ETV6: variants seen among roughly 807,000 people sequenced by gnomAD.
The protein encoded by ETV6 is transcription factor ETV6.
Under a neutral mutation model 51.1 loss-of-function variants are expected in ETV6, and 16 were observed. The observed-to-expected ratio is 0.31, with a 90% CI of 0.21 to 0.48. ETV6 has a LOEUF of 0.48. ETV6 is among the 20% of genes least tolerant of loss of function. The probability of loss-of-function intolerance (pLI) is 0.99; values close to 1 mark genes in which losing one functional copy is unlikely to be tolerated. For synonymous variants in ETV6, 240 were observed against 224.1 expected (o/e 1.07, Z -0.64); for missense variants, 458 against 594.8 (o/e 0.77, Z 2.39).
chr12:11,767,479 A>G (rs1945179970), intron 2 of ETV6, among the ~76,000 whole-genome samples: 1 of 152,242 alleles, frequency 6.6e-6, no homozygotes, highest in African/African-American at 2.4e-5. Flanking sequence ...TGTGGGGGAA[A>G]ATAAACAAGT....
chr12:11,703,932 A>G (rs1221346248), intron 1 of ETV6, among the ~76,000 whole-genome samples: 1 of 152,238 alleles, frequency 6.6e-6, no homozygotes, highest in African/African-American at 2.4e-5. Flanking sequence ...CCTAAAATAA[A>G]TGTATATTTC....
In ETV6 at chr12:11,853,499, T is replaced by G; in HGVS notation, c.401T>G (p.Phe134Cys). The stretch of plus-strand genomic sequence containing the variant: ...CCTCGGATTCTTTTTTCACCATTCT[T>G]CCACCCTGGAAACTCTATACACACA... ...RKPRILFSPF[F>C]HPGNSIHTQP... The change falls in exon 4 of 8, where the codon TTC (phenylalanine) becomes TGC (cysteine). Residue 134 changes from phenylalanine to cysteine, a missense_variant. Around this residue, in one of 4 missense-constraint regions of ETV6, gnomAD observed 293 missense variants for 315.7 expected, o/e 0.93. Coordinates refer to ENST00000396373, the MANE Select transcript of ETV6 (RefSeq NM_001987.5). 6.2e-7 allele frequency: 1 copy of G among 1,614,236 alleles called. No homozygotes were observed. The highest frequency in any genetic ancestry group is 8.5e-7 in the Non-Finnish European group (1 of 1,180,040).
At chr12:11,712,911 G>C (rs1463614895) in intron 1 of ETV6, among the ~76,000 whole-genome samples, 1 of 152,198 alleles carries the variant, frequency 6.6e-6, no homozygotes, top group African/African-American at 2.4e-5. Context: ...GGAGGCCACT[G>C]TTCTTCATGC....
chr12:11,789,341 T>C (rs902994986), intron 2 of ETV6, among the ~76,000 whole-genome samples: 3 of 152,188 alleles, frequency 2.0e-5, no homozygotes, highest in African/African-American at 7.2e-5. Flanking sequence ...CTTGTTTTAA[T>C]GTCCTTCTTA....
chr12:11,856,791 G>A (rs1281370655), intron 4 of ETV6, among the ~76,000 whole-genome samples: 2 of 152,064 alleles, frequency 1.3e-5, no homozygotes, highest in East Asian at 1.9e-4. Context: ...GTGGGCATAT[G>A]TTAACATACA....
intron 2 of ETV6, among the ~76,000 whole-genome samples, chr12:11,783,249 T>C (rs1488755410): frequency 1.3e-5 from 2 of 151,346 alleles, no homozygotes; most frequent in Non-Finnish European, 2.9e-5. Context: ...AGGAGGGAAA[T>C]CACAGAGATC....
intron 2 of ETV6, among the ~76,000 whole-genome samples, chr12:11,818,293 A>C (rs1159593673): frequency 6.6e-6 from 1 of 152,194 alleles, no homozygotes; most frequent in Non-Finnish European, 1.5e-5. Context: ...CAAGGTGAGC[A>C]GATCACGTGA....
chr12:11,762,365 C>T (rs1376666983), intron 2 of ETV6, among the ~76,000 whole-genome samples: 1 of 152,202 alleles, frequency 6.6e-6, no homozygotes, highest in African/African-American at 2.4e-5. Context: ...CGGCAATCCC[C>T]TCTGCAACTC....
In ETV6 at chr12:11,885,926, AACAGAACAAACATG is replaced by A; in HGVS notation, c.1156_1169del (p.Arg386LeufsTer2). 6.2e-7 allele frequency: 1 copy of A among 1,611,466 alleles called. No individual in the cohort carries two copies. The highest frequency in any genetic ancestry group is 8.5e-7 in the Non-Finnish European group (1 of 1,177,814). ...CTCCCTTCCTCCTTTGAACAAACAG[AACAGAACAAACATG>A]ACCTATGAGAAAATGTCCAGAGCCC... On this transcript the variant is annotated frameshift_variant and splice_region_variant, in exon 7 of 8. Coordinates refer to ENST00000396373, the MANE Select transcript of ETV6 (RefSeq NM_001987.5). LOFTEE classifies it high-confidence loss of function.
chr12:11,751,077 TG>T (rs1866017202), intron 1 of ETV6, among the ~76,000 whole-genome samples: 1 of 152,140 alleles, frequency 6.6e-6, no homozygotes, highest in African/African-American at 2.4e-5. Flanking sequence ...TACTTGCTTC[TG>T]GTGGGTGCCT....
At chr12:11,699,970 G>A (rs942067651) in intron 1 of ETV6, among the ~76,000 whole-genome samples, 1 of 152,150 alleles carries the variant, frequency 6.6e-6, no homozygotes, top group African/African-American at 2.4e-5. Context: ...TACTGCGTTT[G>A]TATTTCTTTT....
intron 6 of ETV6, among the ~76,000 whole-genome samples, chr12:11,885,677 G>T (rs1159695057): frequency 6.6e-6 from 1 of 152,188 alleles, no homozygotes; most frequent in South Asian, 2.1e-4. Flanking sequence ...ATTAGCTAGG[G>T]CTCCAGGACT....
chr12:11,762,588 A>G (rs1945103831), intron 2 of ETV6, among the ~76,000 whole-genome samples: 1 of 152,234 alleles, frequency 6.6e-6, no homozygotes. Context: ...TGGCAAGGGA[A>G]TGAAGGCTTT....
chr12:11,837,723 G>A (rs1262235394), intron 2 of ETV6, among the ~76,000 whole-genome samples: 6 of 152,210 alleles, frequency 3.9e-5, no homozygotes, highest in African/African-American at 1.4e-4. Flanking sequence ...GCTCCTCTTA[G>A]CAACACTGAT....
At chr12:11,764,873 T>A (rs1206145864) in intron 2 of ETV6, among the ~76,000 whole-genome samples, 1 of 152,196 alleles carries the variant, frequency 6.6e-6, no homozygotes, top group Non-Finnish European at 1.5e-5. Flanking sequence ...CTGGGTTTTA[T>A]TATCCTCATC....
intron 1 of ETV6, among the ~76,000 whole-genome samples, chr12:11,708,619 G>T (rs540372206): frequency 3.9e-5 from 6 of 152,200 alleles, no homozygotes; most frequent in African/African-American, 1.4e-4. Context: ...CATGGGGGAT[G>T]GACATTGTTT....
chr12:11,720,968 T>C (rs1056638268), intron 1 of ETV6, among the ~76,000 whole-genome samples: 82 of 152,122 alleles, frequency 5.4e-4, no homozygotes, highest in African/African-American at 1.9e-3. Context: ...CAAGAAAAAA[T>C]GCTTATTATC....
intron 2 of ETV6, among the ~76,000 whole-genome samples, chr12:11,775,283 T>C (rs1398159458): frequency 6.6e-6 from 1 of 152,174 alleles, no homozygotes; most frequent in Admixed American, 6.5e-5. Context: ...GGGAAGCTGA[T>C]GTTGTATTGC....
chr12:11,855,513 G>GGT (rs1946620069), intron 4 of ETV6, among the ~76,000 whole-genome samples: 2 of 152,174 alleles, frequency 1.3e-5, no homozygotes, highest in African/African-American at 4.8e-5. Context: ...CTCAAACCCT[G>GGT]GTCCCTTGGG....
Sources: allele counts gnomAD v4.1 joint callset (sites outside exome capture counted in the v4.1 genomes callset), GRCh38; gene constraint gnomAD v4.1.1; regional missense constraint gnomAD v4.1.1; transcripts MANE v1.5; gene names NCBI Gene and HGNC (gene_info 2026-07-23, HGNC 2026-07-21).